GRIN2B: variants seen among roughly 807,000 people sequenced by gnomAD.
GRIN2B encodes glutamate ionotropic receptor NMDA type subunit 2B.
A neutral mutation model predicts 114.5 loss-of-function variants in GRIN2B; 5 were observed. The ratio of observed to expected loss-of-function variants is 0.04; its 90% confidence interval spans 0.02 to 0.09. The LOEUF (loss-of-function observed/expected upper bound fraction) is 0.09, where lower values mean the gene tolerates loss of function less well. Ranked by LOEUF, GRIN2B falls within the 10% of genes least tolerant of loss-of-function variation. The probability of loss-of-function intolerance (pLI) is 1.00; values close to 1 mark genes in which losing one functional copy is unlikely to be tolerated. For missense variants in GRIN2B, 1,108 were observed against 1,943.5 expected, an observed-to-expected ratio of 0.57 and a Z score of 8.08; for synonymous variants, 787 against 745.1, an observed-to-expected ratio of 1.06 and a Z score of -0.92.
At chr12:13,920,123 G>A (rs537997042) in intron 2 of GRIN2B, among the ~76,000 whole-genome samples, 145 of 152,070 alleles carry the variant, frequency 9.5e-4, no homozygotes, top group Non-Finnish European at 1.8e-3. Context: ...TTAGAGCTGG[G>A]TGTGGTGGCT....
intron 3 of GRIN2B, among the ~76,000 whole-genome samples, chr12:13,765,677 C>G (rs1474965393): frequency 2.0e-5 from 3 of 152,224 alleles, no homozygotes; most frequent in African/African-American, 7.2e-5. Flanking sequence ...ATAGCAGGCT[C>G]CATGCTGTCC....
chr12:13,939,143 T>G (rs1867185948), intron 2 of GRIN2B, among the ~76,000 whole-genome samples: 1 of 152,208 alleles, frequency 6.6e-6, no homozygotes, highest in East Asian at 1.9e-4. Context: ...TGATCTTCAG[T>G]AGCGTTTAGT....
chr12:13,583,485 C>A (rs551750570), intron 10 of GRIN2B, among the ~76,000 whole-genome samples: 33 of 152,276 alleles, frequency 2.2e-4, no homozygotes, highest in Admixed American at 2.0e-3. Flanking sequence ...AACTGTAAAA[C>A]ACACCACAGG....
At chr12:13,896,467 A>C (rs1170771347) in intron 2 of GRIN2B, among the ~76,000 whole-genome samples, 1 of 152,248 alleles carries the variant, frequency 6.6e-6, no homozygotes, top group Non-Finnish European at 1.5e-5. Context: ...AAAGCATCCA[A>C]AGGAAGCAAA....
intron 10 of GRIN2B, among the ~76,000 whole-genome samples, chr12:13,593,646 C>G (rs1949037125): frequency 6.6e-6 from 1 of 152,082 alleles, no homozygotes; most frequent in Non-Finnish European, 1.5e-5. Context: ...GCAAAGACTT[C>G]ATGACTAAAA....
intron 4 of GRIN2B, among the ~76,000 whole-genome samples, chr12:13,710,379 G>C (rs549576836): frequency 6.6e-6 from 1 of 152,124 alleles, no homozygotes; most frequent in African/African-American, 2.4e-5. Flanking sequence ...TTCTGGCCAG[G>C]GCAATTAGGC....
At chr12:13,775,318 G>C (rs1863984623) in intron 3 of GRIN2B, among the ~76,000 whole-genome samples, 1 of 152,266 alleles carries the variant, frequency 6.6e-6, no homozygotes, top group East Asian at 1.9e-4. Context: ...TGGTAAGATT[G>C]TCCAGGTAGG....
At chr12:13,875,410 C>T (rs1292208917) in intron 2 of GRIN2B, among the ~76,000 whole-genome samples, 1 of 151,984 alleles carries the variant, frequency 6.6e-6, no homozygotes, top group Non-Finnish European at 1.5e-5. Flanking sequence ...GCCTGTAGTC[C>T]CAGCTACTTG....
chr12:13,892,960 G>A (rs960207616), intron 2 of GRIN2B, among the ~76,000 whole-genome samples: 15 of 152,134 alleles, frequency 9.9e-5, no homozygotes, highest in Admixed American at 1.3e-4. Flanking sequence ...CACAGAGTAA[G>A]CAGTCATCAG....
chr12:13,580,732 A>G (rs746970198), intron 10 of GRIN2B, among the ~76,000 whole-genome samples: 10 of 152,336 alleles, frequency 6.6e-5, no homozygotes, highest in African/African-American at 9.6e-5. Context: ...TTTTATTGTC[A>G]TGAATTTTAA....
intron 2 of GRIN2B, among the ~76,000 whole-genome samples, chr12:13,919,042 C>A (rs542008056): frequency 6.6e-6 from 1 of 152,276 alleles, no homozygotes; most frequent in South Asian, 2.1e-4. Context: ...AGATTCACAC[C>A]CCTTTCTGGG....
In GRIN2B at chr12:13,962,925, T is replaced by C. The variant is rs540982810; in HGVS notation, c.-19+17003A>G. On this transcript the variant is annotated intron_variant, in intron 2 of 13. Transcript: ENST00000609686. ...CTGGGGAATGCAGTTAGACAGACCC[T>C]CTGTCTCCCCCTGGCTGTCAGAGAA... Among the ~76,000 whole-genome samples the C allele has an allele frequency of 5.3e-5, 8 of 152,322 alleles. No individual in the cohort carries two copies. In the South Asian group the frequency reaches 6.2e-4, roughly 12 times the overall value.
chr12:13,814,476 A>C (rs220594), intron 3 of GRIN2B, among the ~76,000 whole-genome samples: 2 of 152,032 alleles, frequency 1.3e-5, no homozygotes, highest in African/African-American at 4.8e-5. Flanking sequence ...AATAACCTAC[A>C]AATCAGCTTA....
intron 2 of GRIN2B, among the ~76,000 whole-genome samples, chr12:13,875,399 C>A (rs541116365): frequency 3.3e-5 from 5 of 152,044 alleles, no homozygotes; most frequent in South Asian, 2.1e-4. Context: ...TGGTGGCGAG[C>A]GCCTGTAGTC....
At chr12:13,671,194 A>G (rs1379941824) in intron 5 of GRIN2B, among the ~76,000 whole-genome samples, 2 of 152,158 alleles carry the variant, frequency 1.3e-5, no homozygotes, top group African/African-American at 2.4e-5. Flanking sequence ...CAAGAAGGGT[A>G]TTGACTACCA....
At chr12:13,931,467 C>T (rs1039039594) in intron 2 of GRIN2B, among the ~76,000 whole-genome samples, 2 of 152,074 alleles carry the variant, frequency 1.3e-5, no homozygotes, top group African/African-American at 4.8e-5. Flanking sequence ...CTTTTCTCAC[C>T]CTCTAAAAGT....
chr12:13,648,287 G>C (rs1300336976), intron 5 of GRIN2B, among the ~76,000 whole-genome samples: 1 of 152,044 alleles, frequency 6.6e-6, no homozygotes, highest in East Asian at 1.9e-4. Context: ...AGTGCTGTGA[G>C]GGAAACACAG....
intron 2 of GRIN2B, among the ~76,000 whole-genome samples, chr12:13,936,586 A>G (rs923006112): frequency 6.6e-6 from 1 of 152,218 alleles, no homozygotes; most frequent in Admixed American, 6.5e-5. Context: ...GCAAGAATTA[A>G]TACTTTTCTA....
intron 5 of GRIN2B, among the ~76,000 whole-genome samples, chr12:13,644,688 A>G (rs1292185211): frequency 6.6e-6 from 1 of 152,170 alleles, no homozygotes; most frequent in East Asian, 1.9e-4. Flanking sequence ...TAGCCACTTC[A>G]TCAATGATCT....
Sources: gnomAD v4.1 joint callset for allele counts (sites outside exome capture counted in the v4.1 genomes callset) on GRCh38, gnomAD v4.1.1 for gene constraint, MANE v1.5 for transcripts, NCBI Gene and HGNC (gene_info 2026-07-23, HGNC 2026-07-21) for gene names.